Variants in LGR5 observed in about 807,000 individuals in gnomAD.
LGR5 encodes the protein leucine-rich repeat-containing G protein-coupled receptor 5.
A neutral mutation model predicts 76.7 loss-of-function variants in LGR5; 54 were observed. The observed-to-expected ratio is 0.70, with a 90% CI of 0.57 to 0.88. The LOEUF (loss-of-function observed/expected upper bound fraction) is 0.88. LGR5 is among the 40% of genes least tolerant of loss of function. The probability of loss-of-function intolerance (pLI) is 0.00; values close to 1 mark genes in which losing one functional copy is unlikely to be tolerated. For missense variants in LGR5, 1,078 were observed against 1,073.3 expected (o/e 1.00, Z -0.06); for synonymous variants, 406 against 421.9 (o/e 0.96, Z 0.46).
intron 13 of LGR5, among the ~76,000 whole-genome samples, chr12:71,574,597 A>G (rs1011085589): frequency 6.6e-6 from 1 of 152,102 alleles, no homozygotes; most frequent in Non-Finnish European, 1.5e-5. Flanking sequence ...TCCCTGCTTC[A>G]AAAACTTTCT....
At chr12:71,483,466 G>T (rs1483095248) in intron 1 of LGR5, among the ~76,000 whole-genome samples, 4 of 152,148 alleles carry the variant, frequency 2.6e-5, no homozygotes, top group African/African-American at 9.7e-5. Context: ...GACTTTTTCT[G>T]GGGTACCTCC....
chr12:71,567,921 A>G lies in LGR5; in HGVS notation c.1070+1009A>G, dbSNP rs544488575. On this transcript the variant is annotated intron_variant, in intron 11 of 17. Coordinates refer to ENST00000266674, the MANE Select transcript of LGR5 (RefSeq NM_003667.4). ...GTATTAGAGAATTTAATTTGTTAAAATCACAAAGCAAGAAAGAAGCGAGTT... is the reference window on the plus strand; with the variant it reads ...GTATTAGAGAATTTAATTTGTTAAAGTCACAAAGCAAGAAAGAAGCGAGTT... Among the ~76,000 whole-genome samples, 716 of 152,322 alleles carry G rather than the reference A, an allele frequency of 4.7e-3. 4 individuals carry two copies. Among genetic ancestry groups the G allele is most frequent in the Non-Finnish European group, 8.0e-3 (541 of 68,030 alleles).
intron 1 of LGR5, among the ~76,000 whole-genome samples, chr12:71,458,873 G>C (rs960667343): frequency 1.3e-5 from 2 of 151,622 alleles, no homozygotes; most frequent in African/African-American, 4.8e-5. Flanking sequence ...AAAGAGCTCT[G>C]ATGGCAAACA....
intron 2 of LGR5, among the ~76,000 whole-genome samples, chr12:71,510,952 G>A (rs1875124391): frequency 6.6e-6 from 1 of 152,092 alleles, no homozygotes; most frequent in African/African-American, 2.4e-5. Flanking sequence ...AGAGGGAAGT[G>A]AGGTGGATGC....
intron 4 of LGR5, among the ~76,000 whole-genome samples, chr12:71,543,741 T>G (rs984364500): frequency 1.3e-5 from 2 of 152,216 alleles, no homozygotes; most frequent in Non-Finnish European, 2.9e-5. Context: ...GCTCAGAGGC[T>G]GTTGCAGTAA....
intron 2 of LGR5, among the ~76,000 whole-genome samples, chr12:71,516,385 T>C (rs1186285387): frequency 6.6e-6 from 1 of 152,162 alleles, no homozygotes; most frequent in Non-Finnish European, 1.5e-5. Flanking sequence ...CTGGTAGATC[T>C]AGCCAGGCCC....
chr12:71,574,843 A>T (rs1878779231), intron 13 of LGR5, among the ~76,000 whole-genome samples: 1 of 152,162 alleles, frequency 6.6e-6, no homozygotes, highest in South Asian at 2.1e-4. Flanking sequence ...CTTCACTCAG[A>T]TGCGCTTTGC....
At chr12:71,581,360 C>T (rs1879084286) in intron 16 of LGR5, among the ~76,000 whole-genome samples, 1 of 152,206 alleles carries the variant, frequency 6.6e-6, no homozygotes, top group African/African-American at 2.4e-5. Context: ...TCAAACCACA[C>T]CTGTGGTAAT....
chr12:71,580,190 G>C, intron 15 of LGR5, 88 bp from the exon 16 acceptor site: 1 of 1,256,946 alleles, frequency 8.0e-7, no homozygotes, highest in Non-Finnish European at 1.1e-6. Context: ...AAATCCAAAG[G>C]TAGAATAATT....
At chr12:71,560,985 C>T (rs890092950) in intron 7 of LGR5, among the ~76,000 whole-genome samples, 3 of 152,132 alleles carry the variant, frequency 2.0e-5, no homozygotes, top group African/African-American at 7.2e-5. Context: ...TTAGCTTTTT[C>T]ATATCTAAAA....
At chr12:71,572,125 C>G (rs951467363) in intron 12 of LGR5, among the ~76,000 whole-genome samples, 3 of 151,572 alleles carry the variant, frequency 2.0e-5, no homozygotes, top group Admixed American at 2.0e-4. Flanking sequence ...GCTCTGTCGC[C>G]CAGGCCGGAG....
intron 4 of LGR5, among the ~76,000 whole-genome samples, chr12:71,536,053 G>A (rs180790032): frequency 2.0e-4 from 31 of 152,244 alleles, no homozygotes; most frequent in Non-Finnish European, 1.5e-5. Flanking sequence ...ACAATATACT[G>A]CATGATGTCC....
intron 12 of LGR5, 30 bp downstream of exon 12, chr12:71,571,609 C>T (rs1485991013): frequency 9.8e-6 from 15 of 1,523,344 alleles, no homozygotes; most frequent in Non-Finnish European, 1.3e-5. Context: ...AGTCACCTAG[C>T]AAAAATCAAG....
intron 4 of LGR5, among the ~76,000 whole-genome samples, chr12:71,539,381 G>A (rs1876760383): frequency 6.6e-6 from 1 of 152,168 alleles, no homozygotes; most frequent in East Asian, 1.9e-4. Flanking sequence ...AACAAATTGT[G>A]CTCATGTTTC....
chr12:71,493,075 A>C (rs1442435200), intron 1 of LGR5, among the ~76,000 whole-genome samples: 1 of 151,324 alleles, frequency 6.6e-6, no homozygotes, highest in Non-Finnish European at 1.5e-5. Flanking sequence ...GTATTTTAAG[A>C]CCAGAATGTT....
chr12:71,503,969 T>C (rs1874728073), intron 1 of LGR5, among the ~76,000 whole-genome samples: 1 of 152,206 alleles, frequency 6.6e-6, no homozygotes, highest in Non-Finnish European at 1.5e-5. Context: ...AAGTGGCTTG[T>C]TGTTTCCTGT....
intron 4 of LGR5, among the ~76,000 whole-genome samples, chr12:71,547,347 G>A (rs562003046): frequency 2.6e-5 from 4 of 152,062 alleles, no homozygotes; most frequent in African/African-American, 9.7e-5. Context: ...AAGAATGTAT[G>A]GTAAATAGAG....
Position 71,556,664 on chromosome 12 carries a change from T to G in LGR5, c.690T>G (p.Phe230Leu). ...NRIHSLGKKC[F>L]DGLHSLETLD... is the part of the protein sequence containing the mutation. ...TCCACTCCCTGGGAAAGAAATGCTT[T>G]GATGGGCTCCACAGCCTAGAGACTT... Residue 230 changes from phenylalanine (F) to leucine (L), a missense_variant, in exon 6 of 18, where the codon TTT (phenylalanine) becomes TTG (leucine). Coordinates refer to ENST00000266674, the MANE Select transcript of LGR5 (RefSeq NM_003667.4). 1 of 1,612,548 alleles carries G rather than the reference T, an allele frequency of 6.2e-7. No homozygotes were observed. Among genetic ancestry groups the G allele is most frequent in the Non-Finnish European group, 8.5e-7 (1 of 1,178,544 alleles).
rs145263100 is a variant in LGR5 at position 71,568,319 on chromosome 12, A to G, written c.1070+1407A>G. ...GCCAGCACAGGATCTTGAGCACATT[A>G]TTATTCCTCCTGGAGCTCAGTTTCC... On this transcript the variant is annotated intron_variant, in intron 11 of 17. Transcript: ENST00000266674. 9.2e-5 allele frequency among the ~76,000 whole-genome samples: 14 copies of G among 152,274 alleles called. 1 individual carries two copies. Among genetic ancestry groups the G allele is most frequent in the Middle Eastern group, 6.8e-3 (2 of 294 alleles).
Sources: allele counts gnomAD v4.1 joint callset (sites outside exome capture counted in the v4.1 genomes callset), GRCh38; gene constraint gnomAD v4.1.1; transcripts MANE v1.5; gene names NCBI Gene and HGNC (gene_info 2026-07-23, HGNC 2026-07-21).